The following JAKMIP3 variants were observed in gnomAD, a reference collection of about 807,000 sequenced individuals.
JAKMIP3 encodes Janus kinase and microtubule interacting protein 3.
In JAKMIP3, 58 loss-of-function variants were observed where a neutral mutation model predicts 118.5. The ratio of observed to expected loss-of-function variants is 0.49; its 90% CI spans 0.40 to 0.61. The LOEUF (loss-of-function observed/expected upper bound fraction) is 0.61, where lower values mean the gene tolerates loss of function less well. JAKMIP3 is among the 20% of genes least tolerant of loss of function. The pLI, the probability that JAKMIP3 is intolerant of heterozygous loss-of-function variation, is 0.00. For missense variants in JAKMIP3, 950 were observed against 1,109.0 expected, an observed-to-expected ratio of 0.86 and a Z score of 2.04; for synonymous variants, 486 against 451.2, an observed-to-expected ratio of 1.08 and a Z score of -0.98.
rs376174504 is a variant in JAKMIP3 at position 132,117,334 on chromosome 10, C to T, written c.393C>T (p.Val131=). The T allele has an allele frequency of 1.5e-4, 242 of 1,613,834 alleles. No individual in the cohort carries two copies. The highest frequency in any genetic ancestry group is 1.9e-4 in the Non-Finnish European group (219 of 1,179,908). ...SALRDGGPEK[V]KTVLLSEAKE... ...TGCGTGATGGCGGCCCCGAAAAGGT[C>T]AAGACCGTGCTGCTGTCCGAGGCCA... The change falls in exon 3 of 24, where the codon GTC becomes GTT. Residue 131 remains valine, a synonymous_variant. Coordinates refer to ENST00000684848, the MANE Select transcript of JAKMIP3 (RefSeq NM_001323087.2). The surrounding 1 kb of genome is among the most constrained non-coding windows in gnomAD (Gnocchi z 8.6).
chr10:132,057,353 G>C (rs2038264630), intron 1 of JAKMIP3, among the ~76,000 whole-genome samples: 1 of 152,194 alleles, frequency 6.6e-6, no homozygotes, highest in African/African-American at 2.4e-5. Context: ...TGCACACCAG[G>C]CTTTGCGTGC....
chr10:132,128,848 C>T (rs1484925655), intron 3 of JAKMIP3, among the ~76,000 whole-genome samples: 1 of 152,152 alleles, frequency 6.6e-6, no homozygotes, highest in Non-Finnish European at 1.5e-5. Context: ...GAGTTAATTA[C>T]AATGATTTAA....
At chr10:132,098,143 C>T (rs916421646) in intron 1 of JAKMIP3, among the ~76,000 whole-genome samples, 2 of 151,612 alleles carry the variant, frequency 1.3e-5, no homozygotes, top group African/African-American at 4.9e-5. Context: ...CCAAGCGATC[C>T]TCCCGCCTCA....
chr10:132,094,702 C>T (rs536988685), intron 1 of JAKMIP3, among the ~76,000 whole-genome samples: 8 of 152,214 alleles, frequency 5.3e-5, no homozygotes, highest in East Asian at 1.9e-4. Flanking sequence ...ATTTTTGTGC[C>T]GGTTGGCCTC....
At chr10:132,176,074 C>T (rs114107804) in intron 23 of JAKMIP3, among the ~76,000 whole-genome samples, 2,437 of 152,318 alleles carry the variant, frequency 0.016, 67 homozygotes, top group African/African-American at 0.055. Flanking sequence ...TGCCAGATCC[C>T]GATCAGGGGG....
At chr10:132,108,863 T>C (rs2046315218) in intron 2 of JAKMIP3, among the ~76,000 whole-genome samples, 1 of 135,308 alleles carries the variant, frequency 7.4e-6, no homozygotes, top group Admixed American at 7.3e-5. Flanking sequence ...TATATATATG[T>C]ATATAAATTA....
At chr10:132,043,537 A>C (rs2037821744) in intron 1 of JAKMIP3, among the ~76,000 whole-genome samples, 1 of 152,194 alleles carries the variant, frequency 6.6e-6, no homozygotes, top group African/African-American at 2.4e-5. Flanking sequence ...CCCCCAAAGC[A>C]CTTCTTTCCT....
At chr10:132,162,220 C>G (rs7087014) in intron 19 of JAKMIP3, among the ~76,000 whole-genome samples, 9,112 of 152,234 alleles carry the variant, frequency 0.06, 754 homozygotes, top group East Asian at 0.37. Flanking sequence ...GACTTTGCCT[C>G]TCTGGACATG....
intron 1 of JAKMIP3, among the ~76,000 whole-genome samples, chr10:132,047,353 C>A (rs1342513123): frequency 1.3e-5 from 2 of 152,176 alleles, no homozygotes; most frequent in African/African-American, 4.8e-5. Flanking sequence ...TGATAGTTAC[C>A]GTGGCAATAG....
chr10:132,141,802 C>A (rs2053567602), intron 10 of JAKMIP3, 118 bp from the exon 11 acceptor site: 2 of 1,169,908 alleles, frequency 1.7e-6, no homozygotes, highest in Admixed American at 4.8e-5. Flanking sequence ...CTAGAGAGAC[C>A]CCCCCATACA....
intron 1 of JAKMIP3, among the ~76,000 whole-genome samples, chr10:132,102,193 G>A (rs1257014392): frequency 1.3e-5 from 2 of 152,086 alleles, no homozygotes; most frequent in Non-Finnish European, 2.9e-5. Context: ...CCTTCTTCTT[G>A]CATACTTCTC....
At chr10:132,171,648 C>CTTTTTTTTTTTT (rs1324091102) in intron 23 of JAKMIP3, among the ~76,000 whole-genome samples, 5 of 125,548 alleles carry the variant, frequency 4.0e-5, no homozygotes, top group African/African-American at 1.7e-4. Context: ...TTATTTTTTT[C>CTTTTTTTTTTTT]TTTCTTTTTT....
rs536228937 is a variant in JAKMIP3, at chr10:132,044,149, G to C, written c.-138+7411G>C. On this transcript the variant is annotated intron_variant, in intron 1 of 23. Coordinates refer to the JAKMIP3 transcript ENST00000657785. The surrounding 1 kb of genome is among the most constrained non-coding windows in gnomAD (Gnocchi z 5.3). The stretch of plus-strand genomic sequence containing the variant: ...CCCTGGGACCAGCCCGATGCCTGGT[G>C]GGGGGGCTTCTCTGGGCCCTCAGCT... 1.3e-5 allele frequency among the ~76,000 whole-genome samples: 2 copies of C among 152,198 alleles called. No homozygotes were observed. The highest frequency in any genetic ancestry group is 2.4e-5 in the African/African-American group (1 of 41,454).
chr10:132,134,667 G>A (rs2051360514), intron 4 of JAKMIP3, among the ~76,000 whole-genome samples: 1 of 152,234 alleles, frequency 6.6e-6, no homozygotes, highest in Admixed American at 6.5e-5. Context: ...CAGAGGGCTG[G>A]GAGCTGGCAG....
rs186578312 is a variant in JAKMIP3, at chr10:132,180,532, T to C, written c.*1104-1825T>C. 3.3e-3 allele frequency among the ~76,000 whole-genome samples: 99 copies of C among 30,326 alleles called. 6 individuals are homozygous for C. The highest frequency in any genetic ancestry group is 0.018 in the South Asian group (15 of 836). The allele number at this position is 30,326 out of a possible 152,430, so 19.9% of individuals were successfully genotyped here. On this transcript the variant is annotated intron_variant, in intron 23 of 23. Transcript: ENST00000684848. ...AAACCTGGAAGCAGAACTGTGTGTG[T>C]GTGTGTGTGTGTGCGTGCGTGCATG...
At chr10:132,174,246 C>G (rs917742229) in intron 23 of JAKMIP3, among the ~76,000 whole-genome samples, 1 of 152,156 alleles carries the variant, frequency 6.6e-6, no homozygotes, top group African/African-American at 2.4e-5. Flanking sequence ...TCCTGGCAGC[C>G]CTGACCTGTT....
rs889961624 is a variant in JAKMIP3 at position 132,118,479 on chromosome 10, G to A, written c.633+905G>A. Among the ~76,000 whole-genome samples the A allele has an allele frequency of 4.6e-5, 7 of 152,310 alleles. No homozygotes were observed. The highest frequency in any genetic ancestry group is 3.3e-4 in the Admixed American group (5 of 15,300). ...GGGTGGGATGCAGTGGTCTTTCCAC[G>A]GGGCGTGGCTGTGCACCTGGGGCAG... On this transcript the variant is annotated intron_variant, in intron 3 of 23. Coordinates refer to ENST00000684848, the MANE Select transcript of JAKMIP3 (RefSeq NM_001323087.2). This position sits in a 1 kb window ranked among gnomAD's most constrained non-coding sequence, Gnocchi z 4.8.
intron 19 of JAKMIP3, among the ~76,000 whole-genome samples, chr10:132,156,030 G>A (rs76801249): frequency 0.16 from 23,942 of 152,150 alleles, 2,020 homozygotes; most frequent in South Asian, 0.27. Context: ...GAAGGAAGGA[G>A]GCTGGAAGTA....
chr10:132,040,032 G>A (rs955794435), intron 1 of JAKMIP3, among the ~76,000 whole-genome samples: 7 of 152,258 alleles, frequency 4.6e-5, no homozygotes, highest in African/African-American at 1.4e-4. Context: ...CCAGGTGACT[G>A]CTGTAAGTCA....
Sources: allele counts gnomAD v4.1 joint callset (sites outside exome capture counted in the v4.1 genomes callset), GRCh38; gene constraint gnomAD v4.1.1; non-coding constraint Gnocchi (gnomAD v3.1); transcripts MANE v1.5; gene names NCBI Gene and HGNC (gene_info 2026-07-23, HGNC 2026-07-21).